Variants in C1orf21 observed in about 807,000 individuals in gnomAD.
C1orf21 encodes chromosome 1 open reading frame 21.
C1orf21 carries 3 observed loss-of-function variants against 18.7 expected under a neutral mutation model. The observed-to-expected ratio is 0.16, with a 90% CI of 0.07 to 0.42. The LOEUF is 0.42. C1orf21 is among the 10% of genes least tolerant of loss of function. The pLI, the probability that C1orf21 is intolerant of heterozygous loss-of-function variation, is 0.99. For missense variants in C1orf21, 104 were observed against 143.6 expected (o/e 0.72, Z 1.41); for synonymous variants, 41 against 46.4 (o/e 0.88, Z 0.47).
chr1:184,505,477 A>G (rs1251970597), intron 2 of C1orf21, among the ~76,000 whole-genome samples: 5 of 151,738 alleles, frequency 3.3e-5, no homozygotes, highest in Non-Finnish European at 7.4e-5. Context: ...GTTTATTAAT[A>G]GTAGGCCAGG....
rs1659897404 is a variant in C1orf21, at chr1:184,620,322, A to G, written c.*766A>G. On this transcript the variant is annotated 3_prime_UTR_variant, in exon 6 of 6. Transcript: ENST00000235307. ...AGAAAATAAACATTTTACTGTTTTT[A>G]TGGATCCTTGTCTTCTCCCATTCAT... The G allele has an allele frequency of 6.6e-6, 1 of 152,530 alleles. No individual in the cohort carries two copies. Among genetic ancestry groups the G allele is most frequent in the Non-Finnish European group, 1.5e-5 (1 of 68,030 alleles). 9.4% of individuals were successfully genotyped at this position (152,530 alleles called of 1,614,324 possible).
intron 1 of C1orf21, among the ~76,000 whole-genome samples, chr1:184,459,876 C>T (rs1021467787): frequency 6.6e-6 from 1 of 152,196 alleles, no homozygotes; most frequent in Admixed American, 6.5e-5. Flanking sequence ...TCCCAAAAAA[C>T]TTTTGCATCC....
At chr1:184,613,384 A>G (rs1473437131) in intron 5 of C1orf21, among the ~76,000 whole-genome samples, 2 of 152,240 alleles carry the variant, frequency 1.3e-5, no homozygotes, top group Non-Finnish European at 2.9e-5. Flanking sequence ...AAATACAAAT[A>G]ATGAATAATG....
intron 1 of C1orf21, among the ~76,000 whole-genome samples, chr1:184,427,054 T>C (rs1656647749): frequency 1.3e-5 from 2 of 152,160 alleles, no homozygotes; most frequent in South Asian, 4.1e-4. Flanking sequence ...AATGTTATGT[T>C]TGAGCTGAAT....
intron 1 of C1orf21, among the ~76,000 whole-genome samples, chr1:184,430,029 G>C (rs111453342): frequency 1.3e-5 from 2 of 150,920 alleles, no homozygotes; most frequent in African/African-American, 4.9e-5. Flanking sequence ...GGAGAATGGC[G>C]TGAACCCGGG....
chr1:184,474,327 T>C (rs1657539141), intron 1 of C1orf21, among the ~76,000 whole-genome samples: 1 of 152,192 alleles, frequency 6.6e-6, no homozygotes, highest in Admixed American at 6.5e-5. Context: ...ATCATTTGAA[T>C]TGGGTGTAAA....
intron 1 of C1orf21, among the ~76,000 whole-genome samples, chr1:184,396,913 A>T (rs1656059462): frequency 6.6e-6 from 1 of 152,222 alleles, no homozygotes; most frequent in Admixed American, 6.5e-5. Context: ...CACCTGCCGC[A>T]CACTAGGGGC....
At chr1:184,404,634 T>C (rs1043145739) in intron 1 of C1orf21, among the ~76,000 whole-genome samples, 1 of 152,196 alleles carries the variant, frequency 6.6e-6, no homozygotes, top group African/African-American at 2.4e-5. Flanking sequence ...AGCAATTCAA[T>C]TTCAACATAA....
At position 184,614,028 on chromosome 1, in the gene C1orf21, G is replaced by A. The variant is rs72737728; in HGVS notation, c.328-5490G>A. ...TCTGAAGAAATAAAAATAAAGAGATGGGAGCAGGAGAAGCCAGCCAGGACA... is the reference window on the plus strand; with the variant it reads ...TCTGAAGAAATAAAAATAAAGAGATAGGAGCAGGAGAAGCCAGCCAGGACA... On this transcript the variant is annotated intron_variant, in intron 5 of 5. Coordinates refer to ENST00000235307, the MANE Select transcript of C1orf21 (RefSeq NM_030806.4). Among the ~76,000 whole-genome samples the A allele has an allele frequency of 9.1e-3, 1,378 of 152,240 alleles. 6 individuals are homozygous for A. Among genetic ancestry groups the A allele is most frequent in the Non-Finnish European group, 0.014 (964 of 68,004 alleles).
chr1:184,410,812 A>G (rs1656339079), intron 1 of C1orf21, among the ~76,000 whole-genome samples: 1 of 140,742 alleles, frequency 7.1e-6, no homozygotes, highest in Non-Finnish European at 1.5e-5. Flanking sequence ...CCTCCATGCC[A>G]GGCTAATTTT....
intron 3 of C1orf21, among the ~76,000 whole-genome samples, chr1:184,568,178 T>C (rs1659060031): frequency 6.6e-6 from 1 of 152,194 alleles, no homozygotes; most frequent in South Asian, 2.1e-4. Context: ...GAGAGCGACT[T>C]TCCTTTTACC....
chr1:184,428,097 C>G (rs1209618300), intron 1 of C1orf21, among the ~76,000 whole-genome samples: 2 of 152,244 alleles, frequency 1.3e-5, no homozygotes, highest in African/African-American at 4.8e-5. Context: ...GACCCCACTT[C>G]AGTGGGTGTT....
intron 1 of C1orf21, among the ~76,000 whole-genome samples, chr1:184,462,042 G>A (rs976109554): frequency 1.3e-5 from 2 of 152,184 alleles, no homozygotes; most frequent in Non-Finnish European, 2.9e-5. Flanking sequence ...AAACAACAGG[G>A]AGGAGGACAT....
intron 3 of C1orf21, among the ~76,000 whole-genome samples, chr1:184,510,655 A>G (rs1278158809): frequency 3.3e-5 from 5 of 152,202 alleles, no homozygotes; most frequent in African/African-American, 7.2e-5. Flanking sequence ...GAAGAGGAGT[A>G]GGTGTCAGTA....
At chr1:184,614,844 C>T (rs116045142) in intron 5 of C1orf21, among the ~76,000 whole-genome samples, 9,012 of 152,180 alleles carry the variant, frequency 0.059, 367 homozygotes, top group African/African-American at 0.1. Context: ...TCTGATGCTG[C>T]CGCTGATCTG....
At chr1:184,406,281 A>C (rs575167716) in intron 1 of C1orf21, among the ~76,000 whole-genome samples, 1 of 152,252 alleles carries the variant, frequency 6.6e-6, no homozygotes, top group Admixed American at 6.5e-5. Context: ...TTGGTTTTCT[A>C]CTCCTATGTT....
intron 2 of C1orf21, among the ~76,000 whole-genome samples, chr1:184,507,351 G>A (rs1658077998): frequency 6.6e-6 from 1 of 152,168 alleles, no homozygotes; most frequent in Non-Finnish European, 1.5e-5. Context: ...ACCAGGCAGT[G>A]ACACTTTGAT....
chr1:184,462,420 A>G (rs1547606), intron 1 of C1orf21, among the ~76,000 whole-genome samples: 24,184 of 151,984 alleles, frequency 0.16, 2,165 homozygotes, highest in African/African-American at 0.21. Flanking sequence ...TTTTTTTCTC[A>G]TTGGCCAATA....
intron 1 of C1orf21, among the ~76,000 whole-genome samples, chr1:184,396,465 A>C (rs1375085503): frequency 1.3e-5 from 2 of 152,146 alleles, no homozygotes; most frequent in African/African-American, 4.8e-5. Context: ...GATAATTGTA[A>C]AATTTCTGGT....
Sources: allele counts gnomAD v4.1 joint callset (sites outside exome capture counted in the v4.1 genomes callset), GRCh38; gene constraint gnomAD v4.1.1; transcripts MANE v1.5; gene names NCBI Gene and HGNC (gene_info 2026-07-23, HGNC 2026-07-21).